Variants in ABCA1 observed in about 807,000 individuals in gnomAD.
ABCA1 encodes the protein ATP binding cassette subfamily A member 1, also known as phospholipid-transporting ATPase ABCA1.
In ABCA1, 133 loss-of-function variants were observed where a neutral mutation model predicts 262.5. That is an observed-to-expected ratio of 0.51 (90% CI 0.44 to 0.59). The LOEUF is 0.59. ABCA1 is among the 20% of genes least tolerant of loss of function. The pLI is 0.00. For synonymous variants in ABCA1, 1,022 were observed against 1,043.5 expected (o/e 0.98, Z 0.40); for missense variants, 2,452 against 2,777.5 (o/e 0.88, Z 2.63).
intron 8 of ABCA1, among the ~76,000 whole-genome samples, chr9:104,843,392 A>G (rs1246688589): frequency 1.3e-5 from 2 of 151,942 alleles, no homozygotes; most frequent in African/African-American, 4.8e-5. Flanking sequence ...TCAAGTCCTC[A>G]TTTCCTCCCA....
At chr9:104,861,316 A>C in intron 6 of ABCA1, 1 of 387,986 alleles carries the variant, frequency 2.6e-6, no homozygotes, top group South Asian at 3.3e-5. Flanking sequence ...TTTTAGACAG[A>C]GCTCCTCCAG....
At chr9:104,918,983 G>A (rs929678285) in intron 1 of ABCA1, among the ~76,000 whole-genome samples, 7 of 152,164 alleles carry the variant, frequency 4.6e-5, no homozygotes, top group Non-Finnish European at 7.3e-5. Flanking sequence ...GGTGAACAGG[G>A]ATATGACAAC....
chr9:104,798,288 G>T, intron 37 of ABCA1, 133 bp downstream of exon 37: 1 of 1,071,140 alleles, frequency 9.3e-7, no homozygotes. Flanking sequence ...CCTGCCTCTG[G>T]CTATTTCTTT....
chr9:104,870,036 T>C (rs1837462608), intron 5 of ABCA1, among the ~76,000 whole-genome samples: 1 of 152,200 alleles, frequency 6.6e-6, no homozygotes, highest in Admixed American at 6.5e-5. Context: ...GATAAAGTCA[T>C]AGATGACAAG....
chr9:104,829,186 G>A (rs1833047274), intron 14 of ABCA1, 48 bp from the exon 15 acceptor site: 1 of 1,601,074 alleles, frequency 6.2e-7, no homozygotes. Flanking sequence ...ACACACGTGA[G>A]CCAGGGTGAT....
At chr9:104,786,241 A>C (rs1293196478) in intron 48 of ABCA1, 57 bp downstream of exon 48, 1 of 1,380,290 alleles carries the variant, frequency 7.2e-7, no homozygotes, top group East Asian at 2.3e-5. Context: ...TACTCACAAA[A>C]GAATAAATAT....
At chr9:104,856,094 A>T (rs759400480) in intron 7 of ABCA1, 41 of 1,582,888 alleles carry the variant, frequency 2.6e-5, no homozygotes, top group Admixed American at 7.0e-5. Context: ...TCCATCTACC[A>T]TCACAAATGT....
chr9:104,793,413 A>C, intron 40 of ABCA1, 113 bp from the exon 41 acceptor site: 7 of 1,388,646 alleles, frequency 5.0e-6, no homozygotes, highest in South Asian at 1.2e-5. Flanking sequence ...ATAAACACAA[A>C]TGGCTATCAC....
At chr9:104,854,564 T>G (rs982708829) in intron 7 of ABCA1, among the ~76,000 whole-genome samples, 2 of 152,120 alleles carry the variant, frequency 1.3e-5, no homozygotes, top group Non-Finnish European at 2.9e-5. Flanking sequence ...GAGGTTTCTG[T>G]GAGACAGGAA....
intron 5 of ABCA1, among the ~76,000 whole-genome samples, chr9:104,874,264 G>A (rs905305063): frequency 2.6e-5 from 4 of 152,194 alleles, no homozygotes; most frequent in African/African-American, 9.7e-5. Context: ...GGCTGGGCAT[G>A]GTGGCTCACA....
intron 2 of ABCA1, among the ~76,000 whole-genome samples, chr9:104,896,976 C>T (rs1356050115): frequency 6.6e-6 from 1 of 151,780 alleles, no homozygotes; most frequent in East Asian, 1.9e-4. Context: ...GCAATCCCCC[C>T]ACCTCAGCCT....
intron 2 of ABCA1, among the ~76,000 whole-genome samples, chr9:104,900,735 C>T (rs1355807925): frequency 1.3e-5 from 2 of 152,200 alleles, no homozygotes; most frequent in Non-Finnish European, 2.9e-5. Flanking sequence ...CACCTGTGCC[C>T]CCCTGAGCCC....
intron 10 of ABCA1, 98 bp from the exon 11 acceptor site, chr9:104,837,194 G>T: frequency 8.9e-7 from 1 of 1,126,672 alleles, no homozygotes; most frequent in Non-Finnish European, 1.3e-6. Flanking sequence ...CATCACAGCA[G>T]CCCTGTGCCA....
At chr9:104,910,486 A>T (rs1303258735) in intron 1 of ABCA1, among the ~76,000 whole-genome samples, 2 of 152,224 alleles carry the variant, frequency 1.3e-5, no homozygotes, top group African/African-American at 4.8e-5. Flanking sequence ...CTATCCAAAT[A>T]GTTCACATAC....
At chr9:104,860,694 T>C (rs1227655840) in intron 6 of ABCA1, among the ~76,000 whole-genome samples, 2 of 152,032 alleles carry the variant, frequency 1.3e-5, no homozygotes, top group Admixed American at 6.6e-5. Flanking sequence ...GGAAGTTTTC[T>C]ATGATTCTAA....
In ABCA1 at chr9:104,799,872, A is replaced by T; in HGVS notation, c.4890T>A (p.Thr1630=). Residue 1630 remains threonine (T), a synonymous_variant, in exon 36 of 50, where the codon ACT becomes ACA. Transcript: ENST00000374736. ...TGAGATTCAGGGGATGATTGAAAGCAGTAATTCCATAATGGCTAGGGTTCT... is the reference window on the plus strand; with the variant it reads ...TGAGATTCAGGGGATGATTGAAAGCTGTAATTCCATAATGGCTAGGGTTCT... The part of the protein sequence containing the change: ...KGENPSHYGI[T]AFNHPLNLTK... 6.2e-7 allele frequency: 1 copy of T among 1,614,194 alleles called. No individual in the cohort carries two copies. The highest frequency in any genetic ancestry group is 1.1e-5 in the South Asian group (1 of 91,074).
intron 5 of ABCA1, among the ~76,000 whole-genome samples, chr9:104,878,652 G>A (rs577226785): frequency 2.0e-5 from 3 of 152,176 alleles, no homozygotes; most frequent in Non-Finnish European, 2.9e-5. Context: ...TCTGTGTCTC[G>A]GCACTTAGAA....
intron 46 of ABCA1, among the ~76,000 whole-genome samples, chr9:104,787,207 A>C (rs1326723524): frequency 6.6e-6 from 1 of 152,194 alleles, no homozygotes; most frequent in East Asian, 1.9e-4. Flanking sequence ...GTACTTTTTT[A>C]TGTAATTAAA....
At chr9:104,786,464 A>T in intron 47 of ABCA1, 74 bp from the exon 48 acceptor site, 1 of 1,275,896 alleles carries the variant, frequency 7.8e-7, no homozygotes. Context: ...CATGACTTCC[A>T]GCATTCCAGC....
Sources: gnomAD v4.1 joint callset for allele counts (sites outside exome capture counted in the v4.1 genomes callset) on GRCh38, gnomAD v4.1.1 for gene constraint, MANE v1.5 for transcripts, NCBI Gene and HGNC (gene_info 2026-07-23, HGNC 2026-07-21) for gene names.